ELF2: variants seen among roughly 807,000 people sequenced by gnomAD.
ELF2 encodes the protein E74 like ETS transcription factor 2, also known as ETS-related transcription factor Elf-2.
Under a neutral mutation model 54.8 loss-of-function variants are expected in ELF2, and 11 were observed. The ratio of observed to expected loss-of-function variants is 0.20; its 90% CI spans 0.13 to 0.33. The LOEUF is 0.33. Among genes scored for constraint, ELF2 ranks in the 10% least tolerant of loss-of-function variants. The pLI, the probability that ELF2 is intolerant of heterozygous loss-of-function variation, is 1.00. For synonymous variants in ELF2, 203 were observed against 245.1 expected, an observed-to-expected ratio of 0.83 and a Z score of 1.61; for missense variants, 513 against 703.0, an observed-to-expected ratio of 0.73 and a Z score of 3.06.
intron 7 of ELF2, chr4:139,066,169 T>C (rs150114274): frequency 2.0e-5 from 3 of 152,134 alleles, no homozygotes; most frequent in African/African-American, 7.2e-5. Context: ...TTAAATATAT[T>C]AATGTAAAAT....
At chr4:139,136,993 G>T (rs1738244296) in intron 3 of ELF2, 1 of 152,076 alleles carries the variant, frequency 6.6e-6, no homozygotes, top group Admixed American at 6.6e-5. Flanking sequence ...TGAATGCTAA[G>T]AACAGAAGCC....
intron 1 of ELF2, chr4:139,155,192 T>G (rs1286036776): frequency 2.0e-5 from 3 of 152,284 alleles, no homozygotes; most frequent in Non-Finnish European, 4.4e-5. Context: ...CTACAGATAC[T>G]GAGGCAGGAG....
At chr4:139,120,983 T>C (rs1345019783) in intron 4 of ELF2, among the ~76,000 whole-genome samples, 1 of 151,964 alleles carries the variant, frequency 6.6e-6, no homozygotes, top group East Asian at 1.9e-4. Flanking sequence ...TTACTTTCTC[T>C]AAAACATTCC....
At chr4:139,153,189 C>T (rs1437235586) in intron 1 of ELF2, among the ~76,000 whole-genome samples, 1 of 152,070 alleles carries the variant, frequency 6.6e-6, no homozygotes, top group East Asian at 1.9e-4. Flanking sequence ...AATCCCAGCA[C>T]TTTAGGAGGT....
intron 1 of ELF2, among the ~76,000 whole-genome samples, chr4:139,172,309 G>C (rs572078414): frequency 6.6e-6 from 1 of 152,276 alleles, no homozygotes; most frequent in South Asian, 2.1e-4. Flanking sequence ...AGTCAAACAT[G>C]GTCTGAAAAT....
chr4:139,124,408 T>C (rs1054306272), intron 4 of ELF2, among the ~76,000 whole-genome samples: 2 of 152,194 alleles, frequency 1.3e-5, no homozygotes, highest in African/African-American at 4.8e-5. Flanking sequence ...GAAAGTTTCC[T>C]ACATTTATAA....
chr4:139,133,398 G>A (rs1306664183), intron 3 of ELF2, among the ~76,000 whole-genome samples: 1 of 152,002 alleles, frequency 6.6e-6, no homozygotes, highest in South Asian at 2.1e-4. Context: ...TGTATTTAAC[G>A]TTCCATTGAT....
chr4:139,149,069 T>C (rs1219670888), intron 1 of ELF2, among the ~76,000 whole-genome samples: 1 of 152,160 alleles, frequency 6.6e-6, no homozygotes, highest in Non-Finnish European at 1.5e-5. Flanking sequence ...CACATTTACC[T>C]ACAATTACCA....
chr4:139,087,633 T>G (rs928322480), intron 4 of ELF2, among the ~76,000 whole-genome samples: 1 of 151,994 alleles, frequency 6.6e-6, no homozygotes, highest in African/African-American at 2.4e-5. Flanking sequence ...GCCCGGCTAA[T>G]TTTTTGTATT....
At chr4:139,064,597 C>T (rs1166616284) in intron 7 of ELF2, among the ~76,000 whole-genome samples, 3 of 151,988 alleles carry the variant, frequency 2.0e-5, no homozygotes, top group Admixed American at 6.6e-5. Flanking sequence ...AGCTGACCTT[C>T]GGCCGGGCGT....
rs144606426 is a variant in ELF2, at chr4:139,081,471, T to C, written c.239-7904A>G. Among the ~76,000 whole-genome samples the C allele has an allele frequency of 4.6e-5, 7 of 152,330 alleles. No individual in the cohort carries two copies. The East Asian group carries it at 1.3e-3, about 29-fold the overall frequency. On this transcript the variant is annotated intron_variant, in intron 4 of 9. Transcript: ENST00000686138. Reference sequence around the variant, plus strand: ...TAAAGCTTATCTCCTCTAGAAGTTGTATAAATATCATTCTACACTAATCAT... The same window carrying C: ...TAAAGCTTATCTCCTCTAGAAGTTGCATAAATATCATTCTACACTAATCAT...
chr4:139,069,150 C>A (rs900731328), intron 6 of ELF2, among the ~76,000 whole-genome samples: 1 of 151,942 alleles, frequency 6.6e-6, no homozygotes, highest in Admixed American at 6.6e-5. Context: ...ATTACAGACA[C>A]GAGCCACAGC....
At position 139,100,321 on chromosome 4, in the gene ELF2, G is replaced by A. The variant is rs546436182; in HGVS notation, c.238+24843C>T. On this transcript the variant is annotated intron_variant, in intron 4 of 9. Transcript: ENST00000686138. ...GTTGCTATTATTGTTATTGTTTCTA[G>A]ATGAATGTGAGAAGCCAAATTATTC... The A allele has an allele frequency of 1.9e-3, 292 of 152,028 alleles. 1 individual carries two copies. The highest frequency in any genetic ancestry group is 6.8e-3 in the African/African-American group (281 of 41,448). The allele number at this position is 152,028 out of a possible 1,614,324, so 9.4% of individuals were successfully genotyped here. A position where few individuals can be genotyped will look rare whatever the true frequency, so the allele number is the denominator to read the frequency against.
chr4:139,171,783 G>A (rs1371108686), intron 1 of ELF2, among the ~76,000 whole-genome samples: 4 of 152,016 alleles, frequency 2.6e-5, no homozygotes, highest in Non-Finnish European at 4.4e-5. Context: ...AATCAGCTGG[G>A]CATAGTTGTG....
chr4:139,132,209 AAAAT>A (rs915833279), intron 3 of ELF2, among the ~76,000 whole-genome samples: 8 of 152,240 alleles, frequency 5.3e-5, no homozygotes, highest in Admixed American at 6.5e-5. Flanking sequence ...CCAAAAAAAT[AAAAT>A]AAATAAAGCC....
In ELF2 at chr4:139,060,450, G is replaced by T. The variant is rs1447627296; in HGVS notation, c.1031C>A (p.Ser344Tyr). Reference protein sequence around the residue: ...ASSVRSGKNSSPINCSRAEKG... With the variant: ...ASSVRSGKNSYPINCSRAEKG... ...CTCTGCTCTGGAGCAGTTTATAGGG[G>T]ATGAATTTTTTCCACTGCGAACAGA... The change falls in exon 9 of 10, where the codon TCC (serine) becomes TAC (tyrosine). Residue 344 changes from serine to tyrosine, a missense_variant. By Grantham distance (144) the Ser-to-Tyr change is moderately radical. Around this residue, in one of 3 missense-constraint regions of ELF2, gnomAD observed 291 missense variants for 366.1 expected, o/e 0.79. Coordinates refer to ENST00000686138, the MANE Select transcript of ELF2 (RefSeq NM_001331036.3). 2 of 1,614,178 alleles carry T rather than the reference G, an allele frequency of 1.2e-6. No homozygotes were observed. Among genetic ancestry groups the T allele is most frequent in the Non-Finnish European group, 1.7e-6 (2 of 1,180,024 alleles).
chr4:139,151,648 ATT>A (rs1740012918), intron 1 of ELF2, among the ~76,000 whole-genome samples: 1 of 152,228 alleles, frequency 6.6e-6, no homozygotes, highest in Non-Finnish European at 1.5e-5. Context: ...TGAATCAAGG[ATT>A]TAAAAGTACC....
At chr4:139,169,588 T>C (rs921277320) in intron 1 of ELF2, among the ~76,000 whole-genome samples, 4 of 152,048 alleles carry the variant, frequency 2.6e-5, no homozygotes. Context: ...CCGGGCGCGG[T>C]GGCTCATGCC....
intron 4 of ELF2, among the ~76,000 whole-genome samples, chr4:139,086,767 A>C (rs2148745470): frequency 6.6e-6 from 1 of 152,336 alleles, no homozygotes; most frequent in East Asian, 1.9e-4. Context: ...CTTATATATG[A>C]AATTAAATAA....
Sources: allele counts gnomAD v4.1 joint callset (sites outside exome capture counted in the v4.1 genomes callset), GRCh38; gene constraint gnomAD v4.1.1; regional missense constraint gnomAD v4.1.1; transcripts MANE v1.5; gene names NCBI Gene and HGNC (gene_info 2026-07-23, HGNC 2026-07-21).